The following PCDHGA2 variants were observed in gnomAD, a reference collection of about 807,000 sequenced individuals.
The protein encoded by PCDHGA2 is protocadherin gamma-A2.
PCDHGA2 carries 40 observed loss-of-function variants against 59.2 expected under a neutral mutation model. The observed-to-expected ratio is 0.68, with a 90% confidence interval of 0.52 to 0.88. The LOEUF is 0.88. PCDHGA2 is among the 40% of genes least tolerant of loss of function. PCDHGA2 has a pLI of 0.00. For missense variants in PCDHGA2, 1,226 were observed against 1,204.0 expected (o/e 1.02, Z -0.27); for synonymous variants, 560 against 526.0 (o/e 1.06, Z -0.89).
At chr5:141,394,547 G>T (rs771070854) in intron 1 of PCDHGA2, 6 of 1,614,098 alleles carry the variant, frequency 3.7e-6, no homozygotes, top group East Asian at 2.2e-5. Context: ...TGGAGCTGGC[G>T]CCCCGCTCCG....
Position 141,372,427 on chromosome 5 carries a change from G to A in PCDHGA2, c.2424+31032G>A. On this transcript the variant is annotated intron_variant, in intron 1 of 3. Coordinates refer to ENST00000394576, the MANE Select transcript of PCDHGA2 (RefSeq NM_018915.4). ...GAGATACAACCTGACCTTAGCGACC[G>A]CCCCACTCCCTCTGACCCTCAGGCG... 6.2e-7 allele frequency: 1 copy of A among 1,613,990 alleles called. No homozygotes were observed. The highest frequency in any genetic ancestry group is 8.5e-7 in the Non-Finnish European group (1 of 1,179,882).
At chr5:141,374,518 C>G (rs766036470) in intron 1 of PCDHGA2, 9 of 1,612,422 alleles carry the variant, frequency 5.6e-6, no homozygotes, top group African/African-American at 1.3e-5. Flanking sequence ...TTCTCGAAAA[C>G]GCAGCTCCAT....
At chr5:141,359,719 A>G (rs888615978) in intron 1 of PCDHGA2, among the ~76,000 whole-genome samples, 1 of 152,136 alleles carries the variant, frequency 6.6e-6, no homozygotes, top group Non-Finnish European at 1.5e-5. Flanking sequence ...AAACTTTAAC[A>G]CTCATTTCCC....
At chr5:141,441,864 G>A in intron 1 of PCDHGA2, 3 of 344,518 alleles carry the variant, frequency 8.7e-6, no homozygotes, top group Admixed American at 4.1e-5. Context: ...TGCACGCCGC[G>A]GAGCCTGGCT....
intron 1 of PCDHGA2, chr5:141,383,044 GC>G: frequency 1.2e-6 from 2 of 1,613,878 alleles, no homozygotes; most frequent in Non-Finnish European, 8.5e-7. Context: ...GGGAGACATC[GC>G]CAAGGACCTG....
chr5:141,410,164 C>G (rs756470415), intron 1 of PCDHGA2: 8 of 1,613,642 alleles, frequency 5.0e-6, no homozygotes, highest in South Asian at 2.2e-5. Context: ...AGCCGCCACT[C>G]TCTGCCACCG....
intron 1 of PCDHGA2, chr5:141,394,021 G>C (rs2092901030): frequency 6.2e-7 from 1 of 1,613,480 alleles, no homozygotes; most frequent in Non-Finnish European, 8.5e-7. Flanking sequence ...AATTATTATA[G>C]ATTAGTGACA....
chr5:141,413,788 G>T (rs2095678300), intron 1 of PCDHGA2: 1 of 1,613,166 alleles, frequency 6.2e-7, no homozygotes, highest in African/African-American at 1.3e-5. Flanking sequence ...GCACTCCCTA[G>T]ATCGCGAGGA....
intron 1 of PCDHGA2, chr5:141,360,666 C>T (rs79500662): frequency 0.014 from 21,810 of 1,613,996 alleles, 195 homozygotes; most frequent in Non-Finnish European, 0.016. Context: ...ACAACGAGTA[C>T]TTTGATCTCG....
chr5:141,415,758 T>TG, intron 1 of PCDHGA2: 1 of 1,381,742 alleles, frequency 7.2e-7, no homozygotes, highest in South Asian at 1.7e-5. Context: ...TTTTTTTTTT[T>TG]TTTTTTTTTT....
intron 1 of PCDHGA2, among the ~76,000 whole-genome samples, chr5:141,439,422 A>C (rs1476209707): frequency 6.6e-6 from 1 of 152,188 alleles, no homozygotes; most frequent in Non-Finnish European, 1.5e-5. Context: ...TGAGGTTATA[A>C]ATTCCCAGGA....
intron 2 of PCDHGA2, among the ~76,000 whole-genome samples, chr5:141,496,186 G>A (rs879940448): frequency 2.0e-5 from 3 of 152,018 alleles, no homozygotes; most frequent in Non-Finnish European, 4.4e-5. Flanking sequence ...AGCAGCCCCA[G>A]CTGCTCATTT....
chr5:141,427,087 A>T, intron 1 of PCDHGA2: 1 of 458,198 alleles, frequency 2.2e-6, no homozygotes, highest in Non-Finnish European at 4.4e-6. Flanking sequence ...ACTGACCAGG[A>T]TGAGGGTGTC....
At chr5:141,411,489 T>C (rs1229059443) in intron 1 of PCDHGA2, 1 of 152,090 alleles carries the variant, frequency 6.6e-6, no homozygotes, top group Non-Finnish European at 1.5e-5. Context: ...GAGGCTGAGC[T>C]GGGTGGATTG....
At chr5:141,433,320 T>A in intron 1 of PCDHGA2, 1 of 792,046 alleles carries the variant, frequency 1.3e-6, no homozygotes, top group Non-Finnish European at 2.0e-6. Flanking sequence ...TTGCCTCCGG[T>A]GTAACAGGGA....
chr5:141,433,352 T>C (rs976015031), intron 1 of PCDHGA2: 16 of 614,162 alleles, frequency 2.6e-5, no homozygotes, highest in Non-Finnish European at 3.7e-5. Flanking sequence ...AGCCACCTAC[T>C]GTCTGCCTAT....
intron 1 of PCDHGA2, among the ~76,000 whole-genome samples, chr5:141,437,771 A>G (rs971065583): frequency 7.9e-5 from 12 of 151,238 alleles, no homozygotes; most frequent in Admixed American, 6.6e-5. Context: ...CAGAGTCTCA[A>G]TCTGTCGCCA....
chr5:141,437,156 G>T (rs2097864365), intron 1 of PCDHGA2, among the ~76,000 whole-genome samples: 1 of 152,172 alleles, frequency 6.6e-6, no homozygotes, highest in African/African-American at 2.4e-5. Context: ...TAACATATGT[G>T]TTGATTGTTT....
intron 1 of PCDHGA2, chr5:141,412,214 A>G (rs1196919276): frequency 6.6e-6 from 1 of 152,196 alleles, no homozygotes; most frequent in African/African-American, 2.4e-5. Context: ...TGACATAAAC[A>G]CTTACTTGTT....
Sources: allele counts gnomAD v4.1 joint callset (sites outside exome capture counted in the v4.1 genomes callset), GRCh38; gene constraint gnomAD v4.1.1; transcripts MANE v1.5; gene names NCBI Gene and HGNC (gene_info 2026-07-23, HGNC 2026-07-21).